The following IL17RC variants were observed in gnomAD, a reference collection of about 807,000 sequenced individuals.
IL17RC encodes the protein interleukin-17 receptor C.
Under a neutral mutation model 86.7 loss-of-function variants are expected in IL17RC, and 53 were observed. The observed-to-expected ratio is 0.61, with a 90% CI of 0.49 to 0.77. The LOEUF (loss-of-function observed/expected upper bound fraction) is 0.77. IL17RC is among the 30% of genes least tolerant of loss of function. The pLI, the probability that IL17RC is intolerant of heterozygous loss-of-function variation, is 0.00. For missense variants in IL17RC, 957 were observed against 940.0 expected (o/e 1.02, Z -0.24); for synonymous variants, 439 against 413.1 (o/e 1.06, Z -0.76).
intron 16 of IL17RC, among the ~76,000 whole-genome samples, chr3:9,931,470 C>CACACACACACACACACACAT (rs750351615): frequency 2.7e-3 from 117 of 43,674 alleles, no homozygotes; most frequent in African/African-American, 5.4e-3. Context: ...CACACACACA[C>CACACACACACACACACACAT]ATATATATAT....
chr3:9,917,866 G>A (rs2125119918), intron 2 of IL17RC, 57 bp from the exon 3 acceptor site: 1 of 1,611,688 alleles, frequency 6.2e-7, no homozygotes, highest in Non-Finnish European at 8.5e-7. Flanking sequence ...TATGTCAGGT[G>A]CCACCAAATT....
chr3:9,932,922 C>A, intron 18 of IL17RC, 31 bp from the exon 19 acceptor site: 1 of 1,610,080 alleles, frequency 6.2e-7, no homozygotes, highest in Non-Finnish European at 8.5e-7. Context: ...GCCAGCTCAC[C>A]TCTTCCCTCC....
chr3:9,929,790 G>C, intron 12 of IL17RC, 62 bp from the exon 13 acceptor site: 1 of 1,589,210 alleles, frequency 6.3e-7, no homozygotes, highest in Non-Finnish European at 8.6e-7. Flanking sequence ...GCCCCATTCT[G>C]GTCTTTCTGC....
chr3:9,933,060 G>A lies in IL17RC; in HGVS notation c.1630G>A (p.Val544Met). 2.6e-6 allele frequency: 4 copies of A among 1,546,992 alleles called. No individual in the cohort carries two copies. The highest frequency in any genetic ancestry group is 3.5e-6 in the Non-Finnish European group (4 of 1,156,630). ...ASALCQLPLR[V>M]AVDLWSRREL... ...GGCCCTGTGCCAGCTGCCGCTGCGCGTGGCCGTAGACCTGTGGAGCCGTCG... is the reference window on the plus strand; with the variant it reads ...GGCCCTGTGCCAGCTGCCGCTGCGCATGGCCGTAGACCTGTGGAGCCGTCG... Residue 544 changes from valine (V) to methionine (M), a missense_variant, in exon 19 of 19, where the codon GTG becomes ATG. Physicochemically the swap from Val to Met is conservative, Grantham distance 21. Transcript: ENST00000403601.
rs2084540445 is a variant in IL17RC at position 9,930,373 on chromosome 3, C to T, written c.1279-27C>T. 3.7e-6 allele frequency: 6 copies of T among 1,613,522 alleles called. No homozygotes were observed. The highest frequency in any genetic ancestry group is 5.1e-6 in the Non-Finnish European group (6 of 1,179,616). On this transcript the variant is annotated intron_variant, in intron 14 of 18. Transcript: ENST00000403601. The surrounding 1 kb of genome is among the most constrained non-coding windows in gnomAD (Gnocchi z 5.8). ...CCCTAAGGGTGCTACCTCCAGGTAACAGTGCCCCCATCCTTTGGCTTGGCA... is the reference window on the plus strand; with the variant it reads ...CCCTAAGGGTGCTACCTCCAGGTAATAGTGCCCCCATCCTTTGGCTTGGCA...
chr3:9,930,314 C>T lies in IL17RC; in HGVS notation c.1279-86C>T. On this transcript the variant is annotated intron_variant, in intron 14 of 18. Coordinates refer to ENST00000403601, the MANE Select transcript of IL17RC (RefSeq NM_153460.4). This position sits in a 1 kb window ranked among gnomAD's most constrained non-coding sequence, Gnocchi z 5.8. ...ACCAAAGTCTCCCAGTCCCCTCTAC[C>T]TCATTCTACCCAGCTGTAGCCTGGT... The T allele has an allele frequency of 6.4e-7, 1 of 1,553,918 alleles. No homozygotes were observed. Among genetic ancestry groups the T allele is most frequent in the East Asian group, 2.3e-5 (1 of 44,366 alleles).
chr3:9,923,598 CA>C (rs1229977555), intron 7 of IL17RC, among the ~76,000 whole-genome samples: 1 of 151,750 alleles, frequency 6.6e-6, no homozygotes, highest in African/African-American at 2.4e-5. Context: ...AGAAAGGTCA[CA>C]GTTCTGAACA....
rs112627391 is a variant in IL17RC, at chr3:9,918,589, G to A, written c.445G>A (p.Val149Met). The A allele has an allele frequency of 1.2e-6, 2 of 1,613,616 alleles. No homozygotes were observed. Among genetic ancestry groups the A allele is most frequent in the East Asian group, 2.2e-5 (1 of 44,886 alleles). Residue 149 changes from valine to methionine, a missense_variant, in exon 5 of 19, where the codon GTG (valine) becomes ATG (methionine). By Grantham distance (21) the Val-to-Met change is conservative. Transcript: ENST00000403601. The stretch of plus-strand genomic sequence containing the variant: ...GGAGGTGCAAGTGCCTGCTGCCCTT[G>A]TGCAGTTTGGTCAGTCTGTGGTATG... ...LLEVQVPAAL[V>M]QFGQSVGSVV...
At chr3:9,931,470 C>CACATATATATATATATATAT (rs750351615) in intron 16 of IL17RC, among the ~76,000 whole-genome samples, 3 of 43,740 alleles carry the variant, frequency 6.9e-5, no homozygotes, top group Admixed American at 2.9e-4. Context: ...CACACACACA[C>CACATATATATATATATATAT]ATATATATAT....
At chr3:9,924,592 C>T (rs546490464) in intron 9 of IL17RC, among the ~76,000 whole-genome samples, 2 of 152,302 alleles carry the variant, frequency 1.3e-5, no homozygotes, top group South Asian at 2.1e-4. Context: ...GTTCCCCTGG[C>T]GGGCAGAGCA....
chr3:9,927,412 G>T (rs2084184794), intron 9 of IL17RC, among the ~76,000 whole-genome samples: 1 of 151,656 alleles, frequency 6.6e-6, no homozygotes, highest in Non-Finnish European at 1.5e-5. Flanking sequence ...ACAAAAATTA[G>T]CCAGGCATGG....
intron 12 of IL17RC, chr3:9,929,591 G>C (rs990789903): frequency 4.1e-5 from 22 of 534,596 alleles, no homozygotes; most frequent in Non-Finnish European, 5.7e-5. Context: ...GAGAAGGTTA[G>C]ATGAGAGGGG....
chr3:9,925,114 C>CTTT (rs777033749), intron 9 of IL17RC, among the ~76,000 whole-genome samples: 3 of 125,546 alleles, frequency 2.4e-5, no homozygotes, highest in African/African-American at 5.9e-5. Flanking sequence ...CCTGATTGCA[C>CTTT]TTTTTTTTTT....
Position 9,917,266 on chromosome 3 carries a change from G to GT in IL17RC, c.-50_-49insT. The GT allele has an allele frequency of 3.4e-6, 5 of 1,464,958 alleles. No individual in the cohort carries two copies. The highest frequency in any genetic ancestry group is 4.6e-6 in the Non-Finnish European group (5 of 1,076,910). 90.7% of individuals were successfully genotyped at this position (1,464,958 alleles called of 1,614,324 possible). A position where few individuals can be genotyped will look rare whatever the true frequency, so the allele number is the denominator to read the frequency against. ...TGACTGGGGTGTCTGCCCCCCTTGG[G>GT]GGGGGGCAGCACAGGGCCTCAGGCC... On this transcript the variant is annotated 5_prime_UTR_variant, in exon 1 of 19. Coordinates refer to ENST00000403601, the MANE Select transcript of IL17RC (RefSeq NM_153460.4).
intron 3 of IL17RC, 118 bp from the exon 4 acceptor site, chr3:9,918,217 T>C: frequency 7.7e-7 from 1 of 1,295,800 alleles, no homozygotes; most frequent in Non-Finnish European, 1.1e-6. Context: ...CCCAGGCCAG[T>C]GTGGTCTCCC....
In IL17RC at chr3:9,930,485, C is replaced by A. The variant is rs1295954558; in HGVS notation, c.1338+26C>A. The A allele has an allele frequency of 6.2e-7, 1 of 1,610,306 alleles. No individual in the cohort carries two copies. The highest frequency in any genetic ancestry group is 8.5e-7 in the Non-Finnish European group (1 of 1,176,868). On this transcript the variant is annotated intron_variant, in intron 15 of 18. Transcript: ENST00000403601. This position sits in a 1 kb window ranked among gnomAD's most constrained non-coding sequence, Gnocchi z 5.8. ...GTGAGCTGGTGGAAGAAGGGCCCCA[C>A]CTCAATGCCTAGGGGCAACAGGCCT...
Position 9,928,386 on chromosome 3 carries a change from G to A in IL17RC, c.959G>A (p.Cys320Tyr), listed in dbSNP as rs776413203. 8.7e-6 allele frequency: 14 copies of A among 1,605,042 alleles called. No homozygotes were observed. Among genetic ancestry groups the A allele is most frequent in the Non-Finnish European group, 1.2e-5 (14 of 1,175,876 alleles). Residue 320 changes from cysteine to tyrosine, a missense_variant, in exon 11 of 19, where the codon TGC becomes TAC. Cys to Tyr is a radical substitution (Grantham distance 194). Coordinates refer to ENST00000403601, the MANE Select transcript of IL17RC (RefSeq NM_153460.4). ...CAGAGCTGGCTGCTGGACGCACCGT[G>A]CTCGCTGCCCGCAGAAGCGGCACTG... ...TLQSWLLDAP[C>Y]SLPAEAALCW...
chr3:9,930,587 C>A lies in IL17RC; in HGVS notation c.1338+128C>A. 1 of 901,210 alleles carries A rather than the reference C, an allele frequency of 1.1e-6. No homozygotes were observed. Among genetic ancestry groups the A allele is most frequent in the East Asian group, 2.7e-5 (1 of 37,718 alleles). The allele number at this position is 901,210 out of a possible 1,614,324, so 55.8% of individuals were successfully genotyped here. A position where few individuals can be genotyped will look rare whatever the true frequency, so the allele number is the denominator to read the frequency against. ...GGGAAAGTTAAGAGTAGAAGAAGCA[C>A]AGTTCCTATCCCCAAGGAGCACACT... On this transcript the variant is annotated intron_variant, in intron 15 of 18. Transcript: ENST00000403601. The surrounding 1 kb of genome is among the most constrained non-coding windows in gnomAD (Gnocchi z 5.8).
At position 9,917,255 on chromosome 3, in the gene IL17RC, G is replaced by T; in HGVS notation, c.-61G>T. The T allele has an allele frequency of 7.5e-7, 1 of 1,331,598 alleles. No homozygotes were observed. Among genetic ancestry groups the T allele is most frequent in the Non-Finnish European group, 1.0e-6 (1 of 983,976 alleles). The allele number at this position is 1,331,598 out of a possible 1,614,324, so 82.5% of individuals were successfully genotyped here. ...CAGACACGGGCTGACTGGGGTGTCT[G>T]CCCCCCTTGGGGGGGGGCAGCACAG... On this transcript the variant is annotated 5_prime_UTR_variant, in exon 1 of 19. Transcript: ENST00000403601.
Sources: allele counts gnomAD v4.1 joint callset (sites outside exome capture counted in the v4.1 genomes callset), GRCh38; gene constraint gnomAD v4.1.1; non-coding constraint Gnocchi (gnomAD v3.1); transcripts MANE v1.5; gene names NCBI Gene and HGNC (gene_info 2026-07-23, HGNC 2026-07-21).